The following DOP1B variants were observed in gnomAD, a reference collection of about 807,000 sequenced individuals.
The protein encoded by DOP1B is protein DOP1B.
In DOP1B, 174 loss-of-function variants were observed where a neutral mutation model predicts 233.5. The observed-to-expected ratio is 0.75, with a 90% CI of 0.66 to 0.85. DOP1B has a LOEUF of 0.85. Among genes scored for constraint, DOP1B ranks in the 40% least tolerant of loss-of-function variants. The pLI, the probability that DOP1B is intolerant of heterozygous loss-of-function variation, is 0.00. For synonymous variants in DOP1B, 1,190 were observed against 1,185.6 expected (o/e 1.00, Z -0.08); for missense variants, 2,652 against 2,846.6 (o/e 0.93, Z 1.56).
intron 27 of DOP1B, among the ~76,000 whole-genome samples, chr21:36,273,057 G>A (rs1329346111): frequency 1.3e-5 from 2 of 151,316 alleles, no homozygotes; most frequent in Non-Finnish European, 2.9e-5. Context: ...AGTCGAGATG[G>A]CGTCACTGCA....
Position 36,232,710 on chromosome 21 carries a change from T to G in DOP1B, c.2351-94T>G. 4 of 1,541,306 alleles carry G rather than the reference T, an allele frequency of 2.6e-6. No homozygotes were observed. In the South Asian group the frequency reaches 5.0e-5, roughly 19 times the overall value. On this transcript the variant is annotated intron_variant, in intron 14 of 36. Coordinates refer to ENST00000691173, the MANE Select transcript of DOP1B (RefSeq NM_001320714.2). Reference sequence around the variant, plus strand: ...TGTCCAGGTGGATTTCTCAGGTAACTTCCCAGATCTAGGGTGCTGTAGAAT... The same window carrying G: ...TGTCCAGGTGGATTTCTCAGGTAACGTCCCAGATCTAGGGTGCTGTAGAAT...
In DOP1B at chr21:36,292,219, A is replaced by C; in HGVS notation, c.6631A>C (p.Lys2211Gln). 6.3e-7 allele frequency: 1 copy of C among 1,592,458 alleles called. No homozygotes were observed. The highest frequency in any genetic ancestry group is 8.5e-7 in the Non-Finnish European group (1 of 1,173,712). ...PHTVRILELL[K>Q]LKFGEISSSD... ...CACTGTCAGGATTCTAGAACTTCTA[A>C]AATTAAAGTTTGGGGTAAGTGCTTT... Residue 2211 changes from lysine to glutamine, a missense_variant, in exon 36 of 37, where the codon AAA becomes CAA. Lys to Gln is a moderately conservative substitution (Grantham distance 53). Transcript: ENST00000691173.
rs1374596890 is a variant in DOP1B, at chr21:36,257,989, GTAGATGTAGGTAGGTAGGTAGA to G, written c.5260-2684_5260-2663del. Among the ~76,000 whole-genome samples, 29 of 149,050 alleles carry G rather than the reference GTAGATGTAGGTAGGTAGGTAGA, an allele frequency of 1.9e-4. No homozygotes were observed. The East Asian group carries it at 4.9e-3, about 25-fold the overall frequency. On this transcript the variant is annotated intron_variant, in intron 23 of 36. Coordinates refer to ENST00000691173, the MANE Select transcript of DOP1B (RefSeq NM_001320714.2). ...TAGGTAGGTAGATGTAGGTAGGTAG[GTAGATGTAGGTAGGTAGGTAGA>G]TAGGTAGAGAGATAGATGTAGTTAG...
intron 10 of DOP1B, 38 bp downstream of exon 10, chr21:36,219,530 C>G (rs766207295): frequency 2.5e-6 from 4 of 1,592,942 alleles, no homozygotes; most frequent in Non-Finnish European, 2.6e-6. Flanking sequence ...ATCTCTCTCC[C>G]TCCCCGGTAC....
In DOP1B at chr21:36,285,950, A is replaced by G. The variant is rs141023739; in HGVS notation, c.6161-2064A>G. 1.6e-3 allele frequency among the ~76,000 whole-genome samples: 248 copies of G among 151,530 alleles called. 1 individual carries two copies. The highest frequency in any genetic ancestry group is 5.5e-3 in the African/African-American group (228 of 41,304). ...TTGAACCCTGGAGGCGGAGGTTGCA[A>G]TGAGCCGAGATCGCGCCACTGCACT... is the stretch of plus-strand genomic sequence containing the variant. On this transcript the variant is annotated intron_variant, in intron 32 of 36. Coordinates refer to ENST00000691173, the MANE Select transcript of DOP1B (RefSeq NM_001320714.2).
At chr21:36,243,840 C>G (rs1357880609) in intron 18 of DOP1B, among the ~76,000 whole-genome samples, 1 of 151,608 alleles carries the variant, frequency 6.6e-6, no homozygotes, top group South Asian at 2.1e-4. Flanking sequence ...ACCTAGATAG[C>G]TTTTAAATTT....
At chr21:36,203,645 G>GGA (rs141366080) in intron 4 of DOP1B, among the ~76,000 whole-genome samples, 3 of 91,870 alleles carry the variant, frequency 3.3e-5, no homozygotes, top group African/African-American at 6.1e-5. Flanking sequence ...AGGGTGCAGT[G>GGA]GGGGGGGTCA....
chr21:36,208,835 G>A lies in DOP1B; in HGVS notation c.612G>A (p.Val204=), dbSNP rs775041596. 7 of 1,598,894 alleles carry A rather than the reference G, an allele frequency of 4.4e-6. No homozygotes were observed. The highest frequency in any genetic ancestry group is 2.3e-5 in the South Asian group (2 of 88,760). Reference sequence around the variant, plus strand: ...GCCTCCCTGCCTCAGTCTTCGTGGTGGGCCACATCAACAGGGATGCCCCCG... The same window carrying A: ...GCCTCCCTGCCTCAGTCTTCGTGGTAGGCCACATCAACAGGGATGCCCCCG... ...SIRLPASVFV[V]GHINRDAPGR... is the part of the protein sequence containing the mutation. The change falls in exon 5 of 37, where the codon GTG becomes GTA. Residue 204 remains valine (V), a synonymous_variant. Transcript: ENST00000691173.
At chr21:36,214,753 A>C (rs532386901) in intron 9 of DOP1B, among the ~76,000 whole-genome samples, 197 bp downstream of exon 9, 1 of 152,332 alleles carries the variant, frequency 6.6e-6, no homozygotes, top group South Asian at 2.1e-4. Context: ...GGCTGGGCGC[A>C]GTGGCTCATG....
At chr21:36,188,661 G>A (rs944880650) in intron 2 of DOP1B, among the ~76,000 whole-genome samples, 1 of 152,182 alleles carries the variant, frequency 6.6e-6, no homozygotes, top group Non-Finnish European at 1.5e-5. Flanking sequence ...AGGAAGACAT[G>A]TCAGTGTTTC....
rs368171607 is a variant in DOP1B, at chr21:36,225,659, A to G, written c.1465A>G (p.Ile489Val). 2.5e-6 allele frequency: 4 copies of G among 1,613,954 alleles called. No homozygotes were observed. Among genetic ancestry groups the G allele is most frequent in the Non-Finnish European group, 3.4e-6 (4 of 1,180,022 alleles). Residue 489 changes from isoleucine to valine, a missense_variant, in exon 12 of 37, where the codon ATT becomes GTT. Ile to Val is a conservative substitution (Grantham distance 29). Coordinates refer to ENST00000691173, the MANE Select transcript of DOP1B (RefSeq NM_001320714.2). The stretch of plus-strand genomic sequence containing the variant: ...CCTCCTGGTCTTCCTGCTGGATGTC[A>G]TTCCTTTGGTGAGTGCTGGGGAAGG... Reference protein sequence around the residue: ...CALLVFLLDVIPLELYSEVQT... With the variant: ...CALLVFLLDVVPLELYSEVQT...
intron 1 of DOP1B, among the ~76,000 whole-genome samples, chr21:36,160,477 CTTTTTTT>C (rs5843748): frequency 7.3e-5 from 9 of 122,802 alleles, no homozygotes; most frequent in Admixed American, 3.4e-4. Flanking sequence ...TTTAAGTTTT[CTTTTTTT>C]TTTTTTTTTT....
chr21:36,266,470 G>A (rs1012370557), intron 26 of DOP1B, among the ~76,000 whole-genome samples: 1 of 152,154 alleles, frequency 6.6e-6, no homozygotes, highest in Non-Finnish European at 1.5e-5. Context: ...CACCACACCC[G>A]GCTGACCAGT....
Position 36,292,174 on chromosome 21 carries a change from C to T in DOP1B, c.6586C>T (p.His2196Tyr), listed in dbSNP as rs762733974. 1 of 1,612,662 alleles carries T rather than the reference C, an allele frequency of 6.2e-7. No individual in the cohort carries two copies. Among genetic ancestry groups the T allele is most frequent in the Admixed American group, 1.7e-5 (1 of 59,800 alleles). The change falls in exon 36 of 37, where the codon CAC becomes TAC. Residue 2196 changes from histidine (H) to tyrosine (Y), a missense_variant. Transcript: ENST00000691173. ...PAFLSDVEEN[H>Y]QECKPHTVRI... ...CTTCCTGTCGGATGTAGAGGAGAATCACCAAGAATGCAAACCCCACACTGT... is the reference window on the plus strand; with the variant it reads ...CTTCCTGTCGGATGTAGAGGAGAATTACCAAGAATGCAAACCCCACACTGT...
At position 36,281,623 on chromosome 21, in the gene DOP1B, G is replaced by A; in HGVS notation, c.6160+12G>A. On this transcript the variant is annotated intron_variant, in intron 32 of 36. Coordinates refer to ENST00000691173, the MANE Select transcript of DOP1B (RefSeq NM_001320714.2). The stretch of plus-strand genomic sequence containing the variant: ...TCCACTGATACAAGGTAAGACAGCT[G>A]TCTTAGTCTGTTTTTTGCTGCTATA... The A allele has an allele frequency of 6.4e-7, 1 of 1,557,004 alleles. No individual in the cohort carries two copies. Among genetic ancestry groups the A allele is most frequent in the East Asian group, 2.3e-5 (1 of 43,618 alleles).
rs774440176 is a variant in DOP1B at position 36,248,467 on chromosome 21, C to T, written c.4897C>T (p.Leu1633Phe). The change falls in exon 21 of 37, where the codon CTT (leucine) becomes TTT (phenylalanine). Residue 1633 changes from leucine (L) to phenylalanine (F), a missense_variant. Leu to Phe is a conservative substitution (Grantham distance 22). Transcript: ENST00000691173. ...GCCTCGAACTGTTAACACCATGGCC[C>T]TTCTCTGGAATGTTCTCAGAAAGGA... ...ELPRTVNTMA[L>F]LWNVLRKEET... 1 of 1,614,164 alleles carries T rather than the reference C, an allele frequency of 6.2e-7. No individual in the cohort carries two copies. The highest frequency in any genetic ancestry group is 1.1e-5 in the South Asian group (1 of 91,084).
At chr21:36,254,571 C>G (rs911475874) in intron 23 of DOP1B, among the ~76,000 whole-genome samples, 2 of 152,156 alleles carry the variant, frequency 1.3e-5, no homozygotes, top group Non-Finnish European at 2.9e-5. Context: ...GATCGAGACT[C>G]TGTCTTTCTT....
Position 36,253,899 on chromosome 21 carries a change from G to A in DOP1B, c.5249G>A (p.Gly1750Glu), listed in dbSNP as rs959431681. The A allele has an allele frequency of 4.3e-6, 7 of 1,613,772 alleles. No homozygotes were observed. The highest frequency in any genetic ancestry group is 1.3e-5 in the African/African-American group (1 of 74,918). ...EVVKRPPQVK[G>E]GDEKSPLVDI... Reference sequence around the variant, plus strand: ...GTGAAGAGGCCACCCCAAGTCAAAGGGGGTGATGAGGTGAGGAGCCTGGGG... The same window carrying A: ...GTGAAGAGGCCACCCCAAGTCAAAGAGGGTGATGAGGTGAGGAGCCTGGGG... Residue 1750 changes from glycine (G) to glutamate (E), a missense_variant, in exon 23 of 37, where the codon GGG (glycine) becomes GAG (glutamate). Transcript: ENST00000691173.
chr21:36,199,611 A>G (rs940359487), intron 3 of DOP1B, among the ~76,000 whole-genome samples: 1 of 150,084 alleles, frequency 6.7e-6, no homozygotes, highest in African/African-American at 2.5e-5. Flanking sequence ...GACAGGCCCC[A>G]GTGTGTGATG....
Sources: gnomAD v4.1 joint callset for allele counts (sites outside exome capture counted in the v4.1 genomes callset) on GRCh38, gnomAD v4.1.1 for gene constraint, MANE v1.5 for transcripts, NCBI Gene and HGNC (gene_info 2026-07-23, HGNC 2026-07-21) for gene names.